The following DLGAP1 variants were observed in gnomAD, a reference collection of about 807,000 sequenced individuals.
The protein encoded by DLGAP1 is disks large-associated protein 1.
A neutral mutation model predicts 90.8 loss-of-function variants in DLGAP1; 11 were observed. That is an observed-to-expected ratio of 0.12 (90% CI 0.08 to 0.20). The LOEUF (loss-of-function observed/expected upper bound fraction) is 0.20. Ranked by LOEUF, DLGAP1 falls within the 10% of genes least tolerant of loss-of-function variation. The probability of loss-of-function intolerance (pLI) is 1.00; values close to 1 mark genes in which losing one functional copy is unlikely to be tolerated. For synonymous variants in DLGAP1, 558 were observed against 540.7 expected, an observed-to-expected ratio of 1.03 and a Z score of -0.44; for missense variants, 1,050 against 1,333.8, an observed-to-expected ratio of 0.79 and a Z score of 3.31.
chr18:4,136,662 G>T (rs1405364412), intron 2 of DLGAP1, among the ~76,000 whole-genome samples: 1 of 152,110 alleles, frequency 6.6e-6, no homozygotes, highest in Non-Finnish European at 1.5e-5. Flanking sequence ...ATGGATAGTT[G>T]CAAACATTTT....
rs71996354 is a variant in DLGAP1, at chr18:3,649,795, T to TA, written c.1592-67548dup. ...AAACAAAGAGGGGAAAAGATAAACT[T>TA]AAAAAAAAAAGTAAAAAGATAAATG... is the stretch of plus-strand genomic sequence containing the variant. On this transcript the variant is annotated intron_variant, in intron 7 of 12. Transcript: ENST00000315677. Among the ~76,000 whole-genome samples, 89 of 148,184 alleles carry TA rather than the reference T, an allele frequency of 6.0e-4. No homozygotes were observed. The Middle Eastern group carries it at 0.01, about 17-fold the overall frequency.
intron 8 of DLGAP1, among the ~76,000 whole-genome samples, chr18:3,579,912 T>C (rs2055387183): frequency 6.6e-6 from 1 of 152,186 alleles, no homozygotes; most frequent in African/African-American, 2.4e-5. Context: ...CTCCCACATC[T>C]ATGGGAAGTG....
intron 3 of DLGAP1, among the ~76,000 whole-genome samples, chr18:3,893,942 G>GTTTTAATTTGCAT (rs140250581): frequency 0.02 from 3,061 of 152,108 alleles, 104 homozygotes; most frequent in African/African-American, 0.07. Flanking sequence ...TCTCCTTGTG[G>GTTTTAATTTGCAT]TTTTAATTTG....
At chr18:4,274,987 G>T (rs1001000158) in intron 1 of DLGAP1, among the ~76,000 whole-genome samples, 2 of 152,114 alleles carry the variant, frequency 1.3e-5, no homozygotes, top group African/African-American at 4.8e-5. Flanking sequence ...ATCTTTCAAA[G>T]AATTTATCAA....
rs539298310 is a variant in DLGAP1, at chr18:4,002,087, TG to T, written c.-73+3028del. Among the ~76,000 whole-genome samples, 719 of 152,304 alleles carry T rather than the reference TG, an allele frequency of 4.7e-3. 1 individual carries two copies. Among genetic ancestry groups the T allele is most frequent in the Middle Eastern group, 0.02 (6 of 294 alleles). On this transcript the variant is annotated intron_variant, in intron 3 of 12. Transcript: ENST00000315677. ...CCGCTGCTTTATTGGAGATGTTGTCTGGGAGGTCTTGCTTTTGCTATCTTAG... is the reference window on the plus strand; with the variant it reads ...CCGCTGCTTTATTGGAGATGTTGTCTGGAGGTCTTGCTTTTGCTATCTTAG...
At chr18:3,935,573 A>G (rs1329533630) in intron 3 of DLGAP1, among the ~76,000 whole-genome samples, 1 of 152,208 alleles carries the variant, frequency 6.6e-6, no homozygotes, top group Non-Finnish European at 1.5e-5. Flanking sequence ...TTTCCTGATC[A>G]CCAAGAAGAC....
chr18:4,230,568 G>A (rs1019700257), intron 1 of DLGAP1, among the ~76,000 whole-genome samples: 2 of 151,660 alleles, frequency 1.3e-5, no homozygotes, highest in Non-Finnish European at 2.9e-5. Flanking sequence ...TTATTTGTAG[G>A]AGCTAAAATT....
chr18:3,746,648 T>C (rs956281525), intron 5 of DLGAP1, among the ~76,000 whole-genome samples: 4 of 152,030 alleles, frequency 2.6e-5, no homozygotes, highest in Admixed American at 1.3e-4. Flanking sequence ...TCAAAGCCTA[T>C]AAAGAGGGAA....
intron 1 of DLGAP1, among the ~76,000 whole-genome samples, chr18:4,352,979 G>A (rs895475573): frequency 6.6e-6 from 1 of 152,136 alleles, no homozygotes; most frequent in Admixed American, 6.5e-5. Flanking sequence ...CTCCCGAAAA[G>A]TCTTCTGGGC....
At chr18:3,602,823 T>C (rs1279209578) in intron 7 of DLGAP1, among the ~76,000 whole-genome samples, 1 of 152,150 alleles carries the variant, frequency 6.6e-6, no homozygotes, top group Non-Finnish European at 1.5e-5. Context: ...CGTTATTAAG[T>C]ATCGACTCTG....
At chr18:4,384,385 C>T (rs1422863080) in intron 1 of DLGAP1, among the ~76,000 whole-genome samples, 2 of 152,100 alleles carry the variant, frequency 1.3e-5, no homozygotes, top group African/African-American at 2.4e-5. Context: ...ATTATTATTA[C>T]TGATCTGATA....
intron 7 of DLGAP1, among the ~76,000 whole-genome samples, chr18:3,684,226 G>A (rs2060622553): frequency 6.6e-6 from 1 of 150,954 alleles, no homozygotes; most frequent in Non-Finnish European, 1.5e-5. Context: ...GTCTCACTCT[G>A]TCCCCCAGGA....
chr18:4,396,380 G>C (rs1243927467), intron 1 of DLGAP1, among the ~76,000 whole-genome samples: 1 of 152,162 alleles, frequency 6.6e-6, no homozygotes, highest in African/African-American at 2.4e-5. Context: ...CTCTGCAGTA[G>C]AAGTGTCCTT....
chr18:3,830,265 G>A (rs973821456), intron 4 of DLGAP1, among the ~76,000 whole-genome samples: 2 of 152,152 alleles, frequency 1.3e-5, no homozygotes, highest in Non-Finnish European at 2.9e-5. Context: ...ATCCCACCAT[G>A]GTAAATAAAC....
chr18:4,382,060 T>C (rs2082134774), intron 1 of DLGAP1, among the ~76,000 whole-genome samples: 1 of 152,130 alleles, frequency 6.6e-6, no homozygotes, highest in African/African-American at 2.4e-5. Context: ...CATGATTCAA[T>C]TATTTCCCAC....
chr18:4,282,086 TGGGTGAA>T (rs1179756240), intron 1 of DLGAP1, among the ~76,000 whole-genome samples: 2 of 152,176 alleles, frequency 1.3e-5, no homozygotes, highest in Non-Finnish European at 2.9e-5. Flanking sequence ...CAAAATGGGC[TGGGTGAA>T]GGGGCTCACG....
intron 2 of DLGAP1, among the ~76,000 whole-genome samples, chr18:4,105,123 G>C (rs138583686): frequency 6.6e-6 from 1 of 152,328 alleles, no homozygotes; most frequent in Non-Finnish European, 1.5e-5. Context: ...GGAGTGGAGA[G>C]AAGCACTCAC....
intron 7 of DLGAP1, among the ~76,000 whole-genome samples, chr18:3,677,851 G>A (rs940134049): frequency 6.6e-6 from 1 of 151,792 alleles, no homozygotes; most frequent in Non-Finnish European, 1.5e-5. Flanking sequence ...TAGAGATGAG[G>A]TTTCACCATG....
intron 2 of DLGAP1, among the ~76,000 whole-genome samples, chr18:4,031,193 A>G (rs2074790481): frequency 1.3e-5 from 2 of 152,268 alleles, no homozygotes; most frequent in Non-Finnish European, 1.5e-5. Context: ...AAAGAGATGT[A>G]TAAGTTATTT....
Sources: allele counts gnomAD v4.1 joint callset (sites outside exome capture counted in the v4.1 genomes callset), GRCh38; gene constraint gnomAD v4.1.1; transcripts MANE v1.5; gene names NCBI Gene and HGNC (gene_info 2026-07-23, HGNC 2026-07-21).